CCDC63: variants seen among roughly 807,000 people sequenced by gnomAD.
CCDC63 encodes the protein coiled-coil domain-containing protein 63.
CCDC63 carries 54 observed loss-of-function variants against 63.6 expected under a neutral mutation model. That is an observed-to-expected ratio of 0.85 (90% CI 0.68 to 1.07). CCDC63 has a LOEUF of 1.07. CCDC63 is among the 50% of genes least tolerant of loss of function. The pLI is 0.00. For missense variants in CCDC63, 637 were observed against 689.6 expected (o/e 0.92, Z 0.86); for synonymous variants, 253 against 266.1 (o/e 0.95, Z 0.48).
chr12:110,872,303 T>G (rs925588077), intron 4 of CCDC63, among the ~76,000 whole-genome samples: 1 of 152,176 alleles, frequency 6.6e-6, no homozygotes, highest in African/African-American at 2.4e-5. Flanking sequence ...AAACAGGTAG[T>G]GGGCCAGATT....
intron 9 of CCDC63, 62 bp downstream of exon 9, chr12:110,893,212 G>A (rs11065750): frequency 0.08 from 109,480 of 1,371,108 alleles, 5,388 homozygotes; most frequent in East Asian, 0.22. Context: ...TGTGTCTGAC[G>A]GGAGCTTCTG....
intron 10 of CCDC63, among the ~76,000 whole-genome samples, chr12:110,899,613 C>G (rs2071460446): frequency 6.6e-6 from 1 of 152,048 alleles, no homozygotes; most frequent in Non-Finnish European, 1.5e-5. Context: ...AGCCACTGCA[C>G]CTGGCCAGGG....
chr12:110,865,880 A>C (rs2070940703), intron 4 of CCDC63, among the ~76,000 whole-genome samples: 1 of 152,238 alleles, frequency 6.6e-6, no homozygotes, highest in Non-Finnish European at 1.5e-5. Context: ...AGGTCGGTGC[A>C]ATGGCAGTCA....
chr12:110,854,255 C>CTT (rs59793950), intron 3 of CCDC63, among the ~76,000 whole-genome samples: 1 of 106,762 alleles, frequency 9.4e-6, no homozygotes, highest in South Asian at 2.9e-4. Flanking sequence ...CATTTCTTTT[C>CTT]TTTTTTTTTT....
chr12:110,887,054 GT>G (rs2071291432), intron 8 of CCDC63, among the ~76,000 whole-genome samples: 1 of 152,022 alleles, frequency 6.6e-6, no homozygotes, highest in Non-Finnish European at 1.5e-5. Flanking sequence ...AGTCCTCCAA[GT>G]CCAAACTCTT....
Position 110,907,236 on chromosome 12 carries a change from C to T in CCDC63, c.1547-95C>T, listed in dbSNP as rs2136762048. ...TTGAAACCTGAGAATTTCCATGCTC[C>T]ACTCCCCAGTGCTATGGAGGGACGC... On this transcript the variant is annotated intron_variant, in intron 11 of 11. Coordinates refer to ENST00000308208, the MANE Select transcript of CCDC63 (RefSeq NM_152591.3). This position sits in a 1 kb window ranked among gnomAD's most constrained non-coding sequence, Gnocchi z 4.4. 1 of 1,196,234 alleles carries T rather than the reference C, an allele frequency of 8.4e-7. No homozygotes were observed. Among genetic ancestry groups the T allele is most frequent in the Non-Finnish European group, 1.2e-6 (1 of 863,046 alleles). The allele number at this position is 1,196,234 out of a possible 1,614,324, so 74.1% of individuals were successfully genotyped here.
At chr12:110,852,448 G>A (rs1279839129) in intron 1 of CCDC63, among the ~76,000 whole-genome samples, 2 of 152,076 alleles carry the variant, frequency 1.3e-5, no homozygotes, top group Non-Finnish European at 2.9e-5. Flanking sequence ...TTTTTGTAGA[G>A]ACAGAGTTTC....
chr12:110,878,961 C>A (rs2071166146), intron 5 of CCDC63, among the ~76,000 whole-genome samples: 1 of 152,166 alleles, frequency 6.6e-6, no homozygotes, highest in Admixed American at 6.5e-5. Flanking sequence ...ATGAGCAAAT[C>A]TATCACTTTG....
At chr12:110,850,259 G>C (rs926688633) in intron 1 of CCDC63, among the ~76,000 whole-genome samples, 2 of 152,230 alleles carry the variant, frequency 1.3e-5, no homozygotes, top group Non-Finnish European at 2.9e-5. Flanking sequence ...GGAAGTGACA[G>C]ACTTCCCCTC....
intron 3 of CCDC63, among the ~76,000 whole-genome samples, chr12:110,857,119 TTTTG>T (rs1009740742): frequency 2.7e-5 from 4 of 150,746 alleles, no homozygotes; most frequent in Admixed American, 6.6e-5. Flanking sequence ...GAACATTCTT[TTTTG>T]TTTGTTTGTT....
chr12:110,888,478 GTAGA>G (rs1390890993), intron 8 of CCDC63, among the ~76,000 whole-genome samples: 1 of 152,204 alleles, frequency 6.6e-6, no homozygotes, highest in East Asian at 1.9e-4. Flanking sequence ...TTCCCCATCT[GTAGA>G]GTGATATTTG....
chr12:110,857,927 C>T (rs1300450021), intron 3 of CCDC63, among the ~76,000 whole-genome samples: 2 of 151,878 alleles, frequency 1.3e-5, no homozygotes, highest in Admixed American at 6.6e-5. Context: ...GCCAACATGG[C>T]GAAACCCGTC....
At chr12:110,867,268 G>C (rs2070973350) in intron 4 of CCDC63, among the ~76,000 whole-genome samples, 1 of 108,636 alleles carries the variant, frequency 9.2e-6, no homozygotes, top group Non-Finnish European at 1.9e-5. Flanking sequence ...TGGCCGGGCA[G>C]AGGGGCTCCT....
chr12:110,862,858 C>G, intron 4 of CCDC63, among the ~76,000 whole-genome samples: 1 of 151,824 alleles, frequency 6.6e-6, no homozygotes, highest in Middle Eastern at 3.4e-3. Context: ...CAGATTCAAG[C>G]AATCCTCCTG....
Position 110,884,064 on chromosome 12 carries a change from G to T in CCDC63, c.888G>T (p.Arg296Ser), listed in dbSNP as rs750669859. 6.2e-7 allele frequency: 1 copy of T among 1,614,120 alleles called. No homozygotes were observed. The highest frequency in any genetic ancestry group is 2.2e-5 in the East Asian group (1 of 44,876). ...CAAAGAAGCATGTCAAGAAGAACAG[G>T]GGAGAGAGTTTTGAGAGCTATGAGG... Reference protein sequence around the residue: ...LKAKKHVKKNRGESFESYEVA... With the variant: ...LKAKKHVKKNSGESFESYEVA... The change falls in exon 8 of 12, where the codon AGG becomes AGT. Residue 296 changes from arginine to serine, a missense_variant. Physicochemically the swap from Arg to Ser is moderately radical, Grantham distance 110 (BLOSUM62 -1). Transcript: ENST00000308208.
At position 110,853,608 on chromosome 12, in the gene CCDC63, C is replaced by T. The variant is rs752520202; in HGVS notation, c.179+34C>T. ...TGGTTGGAGTTTCGCACTGAGTGAC[C>T]TTGGAGGAAAGTTGGGGTTGGGCTT... On this transcript the variant is annotated intron_variant, in intron 3 of 11. Coordinates refer to ENST00000308208, the MANE Select transcript of CCDC63 (RefSeq NM_152591.3). The T allele has an allele frequency of 4.3e-6, 7 of 1,612,996 alleles. 1 individual carries two copies. The South Asian group carries it at 7.7e-5, about 18-fold the overall frequency.
chr12:110,852,570 C>T (rs1322950899), intron 1 of CCDC63, among the ~76,000 whole-genome samples: 2 of 152,094 alleles, frequency 1.3e-5, no homozygotes, highest in Non-Finnish European at 2.9e-5. Context: ...CCCCTGATGC[C>T]ATTTTGCCCC....
rs1024520551 is a variant in CCDC63, at chr12:110,907,528, G to A, written c.*52G>A. On this transcript the variant is annotated 3_prime_UTR_variant, in exon 12 of 12. Coordinates refer to ENST00000308208, the MANE Select transcript of CCDC63 (RefSeq NM_152591.3). This position sits in a 1 kb window ranked among gnomAD's most constrained non-coding sequence, Gnocchi z 4.4. ...ACATAACCGAAAGAATAAATGTTTTGTTCTGTAGCCTCGTGCCTGTCACAC... is the reference window on the plus strand; with the variant it reads ...ACATAACCGAAAGAATAAATGTTTTATTCTGTAGCCTCGTGCCTGTCACAC... 5.6e-5 allele frequency: 90 copies of A among 1,605,652 alleles called. No individual in the cohort carries two copies. The highest frequency in any genetic ancestry group is 7.4e-5 in the Non-Finnish European group (87 of 1,174,018).
rs776093201 is a variant in CCDC63 at position 110,873,885 on chromosome 12, T to G, written c.413T>G (p.Phe138Cys). 16 of 1,612,844 alleles carry G rather than the reference T, an allele frequency of 9.9e-6. No individual in the cohort carries two copies. The highest frequency in any genetic ancestry group is 1.3e-5 in the Non-Finnish European group (15 of 1,179,758). ...AAAATCGCAAACCAAAAACAGATTT[T>G]CGCAAAAATGCAGGAGGCCAATAAC... ...EKKIANQKQI[F>C]AKMQEANNPR... is the part of the protein sequence containing the mutation. Residue 138 changes from phenylalanine to cysteine, a missense_variant, in exon 5 of 12, where the codon TTC becomes TGC. Coordinates refer to ENST00000308208, the MANE Select transcript of CCDC63 (RefSeq NM_152591.3).
Sources: allele counts gnomAD v4.1 joint callset (sites outside exome capture counted in the v4.1 genomes callset), GRCh38; gene constraint gnomAD v4.1.1; non-coding constraint Gnocchi (gnomAD v3.1); transcripts MANE v1.5; gene names NCBI Gene and HGNC (gene_info 2026-07-23, HGNC 2026-07-21).